The following LRRFIP2 variants were observed in gnomAD, a reference collection of about 807,000 sequenced individuals.
The protein encoded by LRRFIP2 is leucine-rich repeat flightless-interacting protein 2.
In LRRFIP2, 109 loss-of-function variants were observed where a neutral mutation model predicts 125.9. That is an observed-to-expected ratio of 0.87 (90% confidence interval 0.74 to 1.01). LRRFIP2 has a LOEUF of 1.01. Among genes scored for constraint, LRRFIP2 ranks in the 50% least tolerant of loss-of-function variants. The pLI is 0.00. For missense variants in LRRFIP2, 850 were observed against 862.3 expected (o/e 0.99, Z 0.18); for synonymous variants, 291 against 293.1 (o/e 0.99, Z 0.07).
rs575225424 is a variant in LRRFIP2, at chr3:37,065,958, A to G, written c.1567-16T>C. ...AGCCATGTTTCTGCAGGGGGGAAAAACCCACCATCACAAAAGGCCCGTATG... is the reference window on the plus strand; with the variant it reads ...AGCCATGTTTCTGCAGGGGGGAAAAGCCCACCATCACAAAAGGCCCGTATG... On this transcript the variant is annotated splice_polypyrimidine_tract_variant and intron_variant, in intron 22 of 27. Transcript: ENST00000336686. The G allele has an allele frequency of 5.0e-6, 8 of 1,613,870 alleles. No individual in the cohort carries two copies. Among genetic ancestry groups the G allele is most frequent in the South Asian group, 3.3e-5 (3 of 91,048 alleles).
At chr3:37,174,709 T>A (rs1162342227), upstream of LRRFIP2, 1 of 152,228 alleles carries the variant, frequency 6.6e-6, no homozygotes, top group African/African-American at 2.4e-5. Context: ...CAACTTTTAT[T>A]TCATTACCAT....
intron 1 of LRRFIP2, among the ~76,000 whole-genome samples, chr3:37,149,958 G>A (rs545442742): frequency 1.2e-4 from 18 of 151,730 alleles, no homozygotes; most frequent in African/African-American, 2.4e-4. Context: ...CCAAGATCAC[G>A]CCACTGGACT....
intron 4 of LRRFIP2, among the ~76,000 whole-genome samples, chr3:37,126,766 G>A (rs1257693133): frequency 6.6e-6 from 1 of 151,808 alleles, no homozygotes; most frequent in Non-Finnish European, 1.5e-5. Flanking sequence ...TGCTGAGGCA[G>A]GAGAATCGCT....
At chr3:37,125,544 C>T (rs2095242880) in intron 4 of LRRFIP2, among the ~76,000 whole-genome samples, 1 of 152,140 alleles carries the variant, frequency 6.6e-6, no homozygotes, top group Admixed American at 6.5e-5. Context: ...TCTTTATAAA[C>T]ATGTCTATAA....
Position 37,135,735 on chromosome 3 carries a change from ATTGAGATAC to A in LRRFIP2, c.91-6595_91-6587del, listed in dbSNP as rs575342133. ...TTAAAGAAATGTAAATTAAAACCAT[ATTGAGATAC>A]TTGATATCCACTAGGATTGCTATGA... On this transcript the variant is annotated intron_variant, in intron 2 of 27. Transcript: ENST00000336686. 1.6e-3 allele frequency among the ~76,000 whole-genome samples: 241 copies of A among 152,348 alleles called. 2 individuals carry two copies. Among genetic ancestry groups the A allele is most frequent in the Non-Finnish European group, 2.4e-3 (166 of 68,024 alleles).
chr3:37,109,765 T>G, intron 9 of LRRFIP2, 62 bp from the exon 10 acceptor site: 1 of 1,429,826 alleles, frequency 7.0e-7, no homozygotes, highest in South Asian at 1.2e-5. Context: ...GGTCTCACCA[T>G]CATGAATGCA....
chr3:37,081,843 C>T (rs948703036), intron 19 of LRRFIP2, among the ~76,000 whole-genome samples: 2 of 147,472 alleles, frequency 1.4e-5, no homozygotes, highest in African/African-American at 2.5e-5. Context: ...GCTATACTTG[C>T]GCTACTCCAC....
chr3:37,075,472 TA>T (rs962093854), intron 19 of LRRFIP2, among the ~76,000 whole-genome samples: 18 of 151,958 alleles, frequency 1.2e-4, no homozygotes, highest in Non-Finnish European at 2.2e-4. Flanking sequence ...CAATATTAAA[TA>T]AAAAACATAC....
In LRRFIP2 at chr3:37,156,454, A is replaced by G. The variant is rs926072761; in HGVS notation, c.-55-7416T>C. Among the ~76,000 whole-genome samples, 101 of 151,252 alleles carry G rather than the reference A, an allele frequency of 6.7e-4. 1 individual carries two copies. The highest frequency in any genetic ancestry group is 2.0e-4 in the East Asian group (1 of 5,120). On this transcript the variant is annotated intron_variant, in intron 1 of 27. Coordinates refer to ENST00000336686, the MANE Select transcript of LRRFIP2 (RefSeq NM_006309.4). The stretch of plus-strand genomic sequence containing the variant: ...TTTGGGAGGCTGAGGCTGGCAGATC[A>G]TGAGGTCAGGAGATCGAGACCATCC...
At chr3:37,111,160 T>C in intron 8 of LRRFIP2, 95 bp from the exon 9 acceptor site, 1 of 832,132 alleles carries the variant, frequency 1.2e-6, no homozygotes, top group Non-Finnish European at 2.0e-6. Context: ...AGGCAAAATA[T>C]GATATTGCCA....
At chr3:37,116,816 T>A (rs2094809916) in intron 6 of LRRFIP2, among the ~76,000 whole-genome samples, 1 of 152,256 alleles carries the variant, frequency 6.6e-6, no homozygotes, top group African/African-American at 2.4e-5. Context: ...TCAGACTAAG[T>A]GGTACCATTT....
intron 19 of LRRFIP2, 99 bp downstream of exon 19, chr3:37,083,537 A>G: frequency 1.1e-6 from 1 of 908,358 alleles, no homozygotes; most frequent in Non-Finnish European, 1.6e-6. Flanking sequence ...GTTTTGACTG[A>G]AACATCATTC....
In LRRFIP2 at chr3:37,119,058, A is replaced by G. The variant is rs145703256; in HGVS notation, c.330+2434T>C. Among the ~76,000 whole-genome samples the G allele has an allele frequency of 7.1e-3, 1,085 of 152,352 alleles. 7 individuals carry two copies. The highest frequency in any genetic ancestry group is 0.027 in the Middle Eastern group (8 of 294). ...CTCAATTATATTTCTTTTAAATGAAATTAGTAGTGAGCCTTCAGACTTGTT... is the reference window on the plus strand; with the variant it reads ...CTCAATTATATTTCTTTTAAATGAAGTTAGTAGTGAGCCTTCAGACTTGTT... On this transcript the variant is annotated intron_variant, in intron 6 of 27. Transcript: ENST00000336686.
At chr3:37,154,422 T>C (rs1024137928) in intron 1 of LRRFIP2, among the ~76,000 whole-genome samples, 7 of 152,228 alleles carry the variant, frequency 4.6e-5, no homozygotes, top group Non-Finnish European at 1.0e-4. Flanking sequence ...TAAGGTTTCC[T>C]CAAGAACCCT....
chr3:37,139,389 T>G (rs1411853854), intron 2 of LRRFIP2, among the ~76,000 whole-genome samples: 1 of 152,220 alleles, frequency 6.6e-6, no homozygotes, highest in Non-Finnish European at 1.5e-5. Flanking sequence ...GAATTATCAA[T>G]GGAAAAAGTT....
At chr3:37,163,051 T>A (rs1017685527) in intron 1 of LRRFIP2, among the ~76,000 whole-genome samples, 1 of 152,224 alleles carries the variant, frequency 6.6e-6, no homozygotes, top group Non-Finnish European at 1.5e-5. Flanking sequence ...TACCGTAGTA[T>A]CTTGTAAACA....
intron 2 of LRRFIP2, among the ~76,000 whole-genome samples, chr3:37,142,486 A>G (rs1441549661): frequency 2.0e-5 from 3 of 152,218 alleles, no homozygotes; most frequent in Admixed American, 1.3e-4. Context: ...AATACAAAAT[A>G]CAAAATGAGA....
chr3:37,108,562 G>T lies in LRRFIP2; in HGVS notation c.657+75C>A, dbSNP rs1405433447. On this transcript the variant is annotated intron_variant, in intron 12 of 27. Coordinates refer to ENST00000336686, the MANE Select transcript of LRRFIP2 (RefSeq NM_006309.4). ...ATATTTTTCTTTTTTATTAATTTTT[G>T]ACTTTTTCTTTGAAAGTAAACTGTG... 17 of 1,211,118 alleles carry T rather than the reference G, an allele frequency of 1.4e-5. No homozygotes were observed. In the Admixed American group the frequency reaches 1.5e-4, roughly 11 times the overall value. 75.0% of individuals were successfully genotyped at this position (1,211,118 alleles called of 1,614,324 possible). A position where few individuals can be genotyped will look rare whatever the true frequency, so the allele number is the denominator to read the frequency against.
chr3:37,148,849 T>G lies in LRRFIP2; in HGVS notation c.90+45A>C, dbSNP rs1242387446. The G allele has an allele frequency of 1.9e-6, 3 of 1,608,046 alleles. No individual in the cohort carries two copies. The African/African-American group carries it at 4.0e-5, about 22-fold the overall frequency. ...CTCTGTCAAATCGGCATTTTTACAA[T>G]ACATCTGTGCAACTCAGTGTTGAGA... is the stretch of plus-strand genomic sequence containing the variant. On this transcript the variant is annotated intron_variant, in intron 2 of 27. Transcript: ENST00000336686.
Sources: allele counts gnomAD v4.1 joint callset (sites outside exome capture counted in the v4.1 genomes callset), GRCh38; gene constraint gnomAD v4.1.1; transcripts MANE v1.5; gene names NCBI Gene and HGNC (gene_info 2026-07-23, HGNC 2026-07-21).